Variants in ANKRD11 observed in about 807,000 individuals in gnomAD.
The protein encoded by ANKRD11 is ankyrin repeat domain-containing protein 11.
A neutral mutation model predicts 195.7 loss-of-function variants in ANKRD11; 17 were observed. The ratio of observed to expected loss-of-function variants is 0.09; its 90% CI spans 0.06 to 0.13. The LOEUF (loss-of-function observed/expected upper bound fraction) is 0.13. ANKRD11 is among the 10% of genes least tolerant of loss of function. ANKRD11 has a pLI of 1.00. For synonymous variants in ANKRD11, 1,953 were observed against 1,528.1 expected, an observed-to-expected ratio of 1.28 and a Z score of -6.49; for missense variants, 3,735 against 3,566.1, an observed-to-expected ratio of 1.05 and a Z score of -1.21.
intron 3 of ANKRD11, among the ~76,000 whole-genome samples, chr16:89,307,479 G>C (rs761192883): frequency 6.6e-6 from 1 of 152,182 alleles, no homozygotes; most frequent in East Asian, 1.9e-4. Context: ...AAGCAGACCG[G>C]AGCCCACCTC....
rs866097194 is a variant in ANKRD11, at chr16:89,368,389, T to G, written c.-60+49895A>C. Among the ~76,000 whole-genome samples the G allele has an allele frequency of 8.3e-4, 114 of 137,982 alleles. No individual in the cohort carries two copies. In the South Asian group the frequency reaches 0.01, roughly 12 times the overall value. 90.5% of individuals were successfully genotyped at this position (137,982 alleles called of 152,430 possible). ...TTTTTGTGTTTTTTTTTTTTTTTTTTTTTTTTTTTTTTTAGTAGAGATGGG... is the reference window on the plus strand; with the variant it reads ...TTTTTGTGTTTTTTTTTTTTTTTTTGTTTTTTTTTTTTTAGTAGAGATGGG... On this transcript the variant is annotated intron_variant, in intron 2 of 12. Transcript: ENST00000301030.
intron 1 of ANKRD11, chr16:89,422,375 A>C (rs1403164808): frequency 6.6e-6 from 1 of 152,290 alleles, no homozygotes; most frequent in East Asian, 1.9e-4. Flanking sequence ...AATTTTAAAA[A>C]AAAGGATCTT....
rs140370885 is a variant in ANKRD11, at chr16:89,284,690, C to T, written c.1852G>A (p.Ala618Thr). Residue 618 changes from alanine (A) to threonine (T), a missense_variant, in exon 9 of 13, where the codon GCT becomes ACT. Transcript: ENST00000301030. ...CCCTCCTTGTCCAGTTTGGGGACAG[C>T]GCCCTCCGCGCTGGACAGGAAGGGG... ...KSPFLSSAEG[A>T]VPKLDKEGKV... The T allele has an allele frequency of 4.1e-4, 655 of 1,613,834 alleles. No homozygotes were observed. Among genetic ancestry groups the T allele is most frequent in the Middle Eastern group, 8.2e-4 (5 of 6,078 alleles).
intron 2 of ANKRD11, chr16:89,323,009 A>C (rs2037429889): frequency 2.4e-5 from 7 of 297,314 alleles, no homozygotes; most frequent in South Asian, 2.7e-5. Flanking sequence ...ATGCCCGGCT[A>C]ATTTCTGTAC....
At position 89,282,696 on chromosome 16, in the gene ANKRD11, T is replaced by A. The variant is rs967493061; in HGVS notation, c.3846A>T (p.Glu1282Asp). ...RSADAEKSLL[E>D]KLEEEALHEY... is the part of the protein sequence containing the mutation. ...CATGGAGAGCCTCTTCTTCCAACTT[T>A]TCAAGCAGGCTTTTTTCCGCGTCGG... The change falls in exon 9 of 13, where the codon GAA becomes GAT. Residue 1282 changes from glutamate to aspartate, a missense_variant. Physicochemically the swap from Glu to Asp is conservative, Grantham distance 45. Transcript: ENST00000301030. 6.2e-7 allele frequency: 1 copy of A among 1,614,158 alleles called. No individual in the cohort carries two copies. Among genetic ancestry groups the A allele is most frequent in the Non-Finnish European group, 8.5e-7 (1 of 1,180,030 alleles).
chr16:89,473,945 C>T (rs1292130746), intron 1 of ANKRD11, among the ~76,000 whole-genome samples: 1 of 152,192 alleles, frequency 6.6e-6, no homozygotes, highest in African/African-American at 2.4e-5. Context: ...CATTATGTTA[C>T]GTAAGACTTA....
At chr16:89,344,920 T>A (rs1168931461) in intron 2 of ANKRD11, among the ~76,000 whole-genome samples, 3 of 152,184 alleles carry the variant, frequency 2.0e-5, no homozygotes, top group Non-Finnish European at 4.4e-5. Context: ...AGGCTCCTTG[T>A]AGAAAATACC....
chr16:89,373,257 T>G (rs1298019747), intron 2 of ANKRD11: 1 of 152,230 alleles, frequency 6.6e-6, no homozygotes, highest in African/African-American at 2.4e-5. Flanking sequence ...AAAACACCTA[T>G]TTCCAAAATT....
At chr16:89,457,058 C>T (rs1424504221) in intron 1 of ANKRD11, among the ~76,000 whole-genome samples, 3 of 147,920 alleles carry the variant, frequency 2.0e-5, no homozygotes. Flanking sequence ...CTCCCGGGTT[C>T]ACGCCATTCT....
intron 4 of ANKRD11, chr16:89,297,938 GTGTA>G (rs1488796236): frequency 6.6e-6 from 1 of 151,956 alleles, no homozygotes; most frequent in East Asian, 1.9e-4. Flanking sequence ...TTCTTCCGCA[GTGTA>G]TGTGAAGGGG....
intron 1 of ANKRD11, among the ~76,000 whole-genome samples, chr16:89,470,886 G>A (rs1015609665): frequency 9.2e-5 from 14 of 152,264 alleles, no homozygotes; most frequent in Non-Finnish European, 1.3e-4. Context: ...CCAGTTACTC[G>A]GGAGGCTGAG....
intron 2 of ANKRD11, among the ~76,000 whole-genome samples, chr16:89,394,606 C>A (rs145838870): frequency 6.7e-6 from 1 of 148,816 alleles, no homozygotes. Flanking sequence ...CCAGCCTGGG[C>A]GACAAAAGCA....
At chr16:89,356,066 G>T (rs1320156034) in intron 2 of ANKRD11, among the ~76,000 whole-genome samples, 1 of 152,238 alleles carries the variant, frequency 6.6e-6, no homozygotes, top group Non-Finnish European at 1.5e-5. Flanking sequence ...GGGCACTGGA[G>T]TGAGACTTGT....
At chr16:89,474,565 A>T (rs2057194408) in intron 1 of ANKRD11, among the ~76,000 whole-genome samples, 1 of 152,134 alleles carries the variant, frequency 6.6e-6, no homozygotes, top group South Asian at 2.1e-4. Flanking sequence ...ACAAATAATG[A>T]CTGGTTGCCA....
At chr16:89,325,597 G>A (rs1272171757) in intron 2 of ANKRD11, among the ~76,000 whole-genome samples, 2 of 152,224 alleles carry the variant, frequency 1.3e-5, no homozygotes, top group African/African-American at 4.8e-5. Context: ...CAAGACATCC[G>A]CGAAGCGTGG....
In ANKRD11 at chr16:89,283,077, T is replaced by G. The variant is rs1261278341; in HGVS notation, c.3465A>C (p.Gly1155=). Residue 1155 remains glycine (G), a synonymous_variant, in exon 9 of 13, where the codon GGA becomes GGC. Coordinates refer to ENST00000301030, the MANE Select transcript of ANKRD11 (RefSeq NM_013275.6). The surrounding 1 kb of genome is among the most constrained non-coding windows in gnomAD (Gnocchi z 4.3). ...RTDGLQEKEE[G]REAYASDRHR... ...GTCTGTCGGAGGCATAGGCCTCCCG[T>G]CCTTCCTCCTTCTCCTGGAGGCCGT... 1 of 1,614,040 alleles carries G rather than the reference T, an allele frequency of 6.2e-7. No homozygotes were observed. Among genetic ancestry groups the G allele is most frequent in the Non-Finnish European group, 8.5e-7 (1 of 1,180,032 alleles).
chr16:89,371,253 C>T (rs1351112635), intron 2 of ANKRD11, among the ~76,000 whole-genome samples: 1 of 152,210 alleles, frequency 6.6e-6, no homozygotes, highest in African/African-American at 2.4e-5. Flanking sequence ...AGGCCACCTA[C>T]ACAGAGAGGC....
chr16:89,408,567 G>C (rs918481924), intron 2 of ANKRD11, among the ~76,000 whole-genome samples: 1 of 152,162 alleles, frequency 6.6e-6, no homozygotes, highest in South Asian at 2.1e-4. Flanking sequence ...AGGCTGACGA[G>C]CGTGAGCACT....
At chr16:89,346,517 C>G (rs1258279097) in intron 2 of ANKRD11, among the ~76,000 whole-genome samples, 1 of 152,232 alleles carries the variant, frequency 6.6e-6, no homozygotes, top group Non-Finnish European at 1.5e-5. Context: ...ACACAGACAA[C>G]TACACCACAC....
Sources: gnomAD v4.1 joint callset for allele counts (sites outside exome capture counted in the v4.1 genomes callset) on GRCh38, gnomAD v4.1.1 for gene constraint, Gnocchi (gnomAD v3.1) non-coding constraint, MANE v1.5 for transcripts, NCBI Gene and HGNC (gene_info 2026-07-23, HGNC 2026-07-21) for gene names.